The following ADGRB3 variants were observed in gnomAD, a reference collection of about 807,000 sequenced individuals.
ADGRB3 encodes brain-specific angiogenesis inhibitor 3.
Under a neutral mutation model 193.4 loss-of-function variants are expected in ADGRB3, and 37 were observed. The ratio of observed to expected loss-of-function variants is 0.19; its 90% CI spans 0.15 to 0.25. ADGRB3 has a LOEUF of 0.25. Ranked by LOEUF, ADGRB3 falls within the 10% of genes least tolerant of loss-of-function variation. The pLI is 1.00. For synonymous variants in ADGRB3, 690 were observed against 644.2 expected (o/e 1.07, Z -1.08); for missense variants, 1,637 against 1,852.9 (o/e 0.88, Z 2.14).
In ADGRB3 at chr6:69,161,804, A is replaced by T. The variant is rs533106623; in HGVS notation, c.2481-71486A>T. On this transcript the variant is annotated intron_variant, in intron 17 of 31. Coordinates refer to ENST00000370598, the MANE Select transcript of ADGRB3 (RefSeq NM_001704.3). Reference sequence around the variant, plus strand: ...ATTGAACTGAGAGCCTCAGTTATTTACTGGCTGTTAACTGAAGACTTCCTC... The same window carrying T: ...ATTGAACTGAGAGCCTCAGTTATTTTCTGGCTGTTAACTGAAGACTTCCTC... Among the ~76,000 whole-genome samples the T allele has an allele frequency of 4.4e-4, 67 of 152,170 alleles. 1 individual carries two copies. The highest frequency in any genetic ancestry group is 7.2e-4 in the Non-Finnish European group (49 of 67,976).
At chr6:68,845,901 A>G (rs1245357159) in intron 3 of ADGRB3, among the ~76,000 whole-genome samples, 2 of 152,122 alleles carry the variant, frequency 1.3e-5, no homozygotes, top group East Asian at 1.9e-4. Flanking sequence ...GGGTAACAGG[A>G]AGAGGTTGGA....
chr6:69,016,790 A>C (rs1425044770), intron 12 of ADGRB3, among the ~76,000 whole-genome samples: 1 of 151,926 alleles, frequency 6.6e-6, no homozygotes, highest in East Asian at 1.9e-4. Flanking sequence ...TAGTTTTCCA[A>C]AAGTAAATGT....
intron 17 of ADGRB3, among the ~76,000 whole-genome samples, chr6:69,155,583 T>A (rs936673375): frequency 6.6e-6 from 1 of 152,220 alleles, no homozygotes; most frequent in Non-Finnish European, 1.5e-5. Flanking sequence ...AGGAATGAAT[T>A]GAATCATCAT....
chr6:68,823,671 C>A (rs1034415889), intron 3 of ADGRB3, among the ~76,000 whole-genome samples: 1 of 151,960 alleles, frequency 6.6e-6, no homozygotes, highest in African/African-American at 2.4e-5. Flanking sequence ...ATGACTCATG[C>A]ATGATATACT....
chr6:69,097,562 C>T (rs1454966877), intron 17 of ADGRB3, among the ~76,000 whole-genome samples: 1 of 152,050 alleles, frequency 6.6e-6, no homozygotes, highest in African/African-American at 2.4e-5. Context: ...TAAGTAAATT[C>T]CAAAGTCATC....
At chr6:69,340,221 A>T (rs1306680962) in intron 26 of ADGRB3, among the ~76,000 whole-genome samples, 1 of 152,200 alleles carries the variant, frequency 6.6e-6, no homozygotes, top group Non-Finnish European at 1.5e-5. Flanking sequence ...GCAGACACTA[A>T]CTAGCACCAG....
At chr6:69,126,138 C>T (rs1773842407) in intron 17 of ADGRB3, among the ~76,000 whole-genome samples, 2 of 152,060 alleles carry the variant, frequency 1.3e-5, no homozygotes, top group South Asian at 2.1e-4. Context: ...TAGTATGGTA[C>T]ATAATATCAA....
intron 20 of ADGRB3, among the ~76,000 whole-genome samples, chr6:69,284,956 GA>G (rs1449312626): frequency 2.0e-5 from 3 of 151,958 alleles, no homozygotes; most frequent in African/African-American, 7.2e-5. Context: ...ATATTCCAGA[GA>G]AAAAAGCATT....
At chr6:68,798,018 C>A (rs573829428) in intron 3 of ADGRB3, among the ~76,000 whole-genome samples, 84 of 152,208 alleles carry the variant, frequency 5.5e-4, no homozygotes, top group African/African-American at 1.9e-3. Flanking sequence ...TATTGTGACA[C>A]TCCTATTGTT....
chr6:68,943,990 C>T lies in ADGRB3; in HGVS notation c.1191C>T (p.Cys397=), dbSNP rs761610084. Residue 397 remains cysteine, a synonymous_variant, in exon 6 of 32, where the codon TGC becomes TGT. Coordinates refer to ENST00000370598, the MANE Select transcript of ADGRB3 (RefSeq NM_001704.3). ...ATAAGCCTTGTAATATTGCTCTTTG[C>T]CCAGGTGAGCCTATTCTGCATTTGG... ...THHKPCNIAL[C]PVDGQWQEWS... The T allele has an allele frequency of 5.0e-6, 8 of 1,599,160 alleles. No individual in the cohort carries two copies. Among genetic ancestry groups the T allele is most frequent in the South Asian group, 3.4e-5 (3 of 88,922 alleles).
chr6:68,879,907 T>A (rs1765689258), intron 3 of ADGRB3, among the ~76,000 whole-genome samples: 1 of 137,048 alleles, frequency 7.3e-6, no homozygotes, highest in African/African-American at 2.5e-5. Context: ...AACAAATGAA[T>A]CAAAGCAGAT....
intron 29 of ADGRB3, among the ~76,000 whole-genome samples, chr6:69,362,228 A>G (rs1016572913): frequency 3.9e-5 from 6 of 152,006 alleles, no homozygotes; most frequent in Admixed American, 1.3e-4. Flanking sequence ...GTCACTGCTT[A>G]TACAGTGAAA....
At chr6:69,387,774 G>C (rs1205932511) in intron 31 of ADGRB3, among the ~76,000 whole-genome samples, 101 of 152,184 alleles carry the variant, frequency 6.6e-4, no homozygotes, top group Non-Finnish European at 1.6e-4. Flanking sequence ...AATATATTGA[G>C]TGGAGTTTGG....
Position 68,993,875 on chromosome 6 carries a change from C to G in ADGRB3, c.1842C>G (p.Gly614=), listed in dbSNP as rs144610317. ...DLTQRKNFYA[G]DLLMSVEILR... ...CTCAGAGAAAAAATTTCTATGCAGG[C>G]GATCTTCTGATGTCTGTGGAGATCC... The change falls in exon 11 of 32, where the codon GGC becomes GGG. Residue 614 remains glycine, a synonymous_variant. Transcript: ENST00000370598. 8.2e-3 allele frequency: 13,164 copies of G among 1,613,812 alleles called. 147 individuals carry two copies. Among genetic ancestry groups the G allele is most frequent in the South Asian group, 0.029 (2,639 of 91,034 alleles).
intron 30 of ADGRB3, among the ~76,000 whole-genome samples, chr6:69,372,957 C>T (rs1221941726): frequency 6.6e-6 from 1 of 151,768 alleles, no homozygotes; most frequent in Non-Finnish European, 1.5e-5. Flanking sequence ...CAATGTGCTC[C>T]TGTGTTTAGT....
chr6:68,973,965 T>G (rs1011399721), intron 8 of ADGRB3, among the ~76,000 whole-genome samples: 1 of 152,236 alleles, frequency 6.6e-6, no homozygotes, highest in Admixed American at 6.5e-5. Context: ...GCTCAATAAT[T>G]AAATTGAAAT....
chr6:68,751,793 A>AG (rs1349978146), intron 3 of ADGRB3, among the ~76,000 whole-genome samples: 6 of 152,172 alleles, frequency 3.9e-5, no homozygotes, highest in Non-Finnish European at 7.3e-5. Context: ...CACAAACGCA[A>AG]GGGGGCATAC....
Position 69,327,804 on chromosome 6 carries a change from A to G in ADGRB3, c.2966-16A>G. The G allele has an allele frequency of 6.2e-7, 1 of 1,604,038 alleles. No individual in the cohort carries two copies. Among genetic ancestry groups the G allele is most frequent in the Non-Finnish European group, 8.5e-7 (1 of 1,172,692 alleles). On this transcript the variant is annotated splice_polypyrimidine_tract_variant and intron_variant, in intron 21 of 31. Transcript: ENST00000370598. ...TTATAGCTAAATATGAATGCGTGAC[A>G]TTGCTTTTCTTGCAGGTTTACCAGC...
chr6:68,748,344 C>G (rs907983411), intron 3 of ADGRB3, among the ~76,000 whole-genome samples: 1 of 152,138 alleles, frequency 6.6e-6, no homozygotes, highest in Non-Finnish European at 1.5e-5. Flanking sequence ...CAAAAGGAAG[C>G]TAGTTACTTC....
Sources: gnomAD v4.1 joint callset for allele counts (sites outside exome capture counted in the v4.1 genomes callset) on GRCh38, gnomAD v4.1.1 for gene constraint, MANE v1.5 for transcripts, NCBI Gene and HGNC (gene_info 2026-07-23, HGNC 2026-07-21) for gene names.